The following PLA2G4B variants were observed in gnomAD, a reference collection of about 807,000 sequenced individuals.
PLA2G4B encodes the protein phospholipase A2 group IVB, also known as cytosolic phospholipase A2 beta.
A neutral mutation model predicts 95.8 loss-of-function variants in PLA2G4B; 122 were observed. The ratio of observed to expected loss-of-function variants is 1.27; its 90% CI spans 1.10 to 1.48. The LOEUF is 1.48. Among genes scored for constraint, PLA2G4B ranks in the 40% most tolerant of loss-of-function variants. PLA2G4B has a pLI of 0.00. For missense variants in PLA2G4B, 1,158 were observed against 996.2 expected (o/e 1.16, Z -2.19); for synonymous variants, 518 against 421.5 (o/e 1.23, Z -2.80).
In PLA2G4B at chr15:41,842,725, C is replaced by T. The variant is rs562605087; in HGVS notation, c.743+134C>T. On this transcript the variant is annotated intron_variant, in intron 10 of 19. Coordinates refer to ENST00000458483, the MANE Select transcript of PLA2G4B (RefSeq NM_001114633.2). ...TGCTCTCTGAAGGGGCTCAGGCTTGCGCTCGAGGGGGCACGAAGTACTGGG... is the reference window on the plus strand; with the variant it reads ...TGCTCTCTGAAGGGGCTCAGGCTTGTGCTCGAGGGGGCACGAAGTACTGGG... The T allele has an allele frequency of 3.0e-4, 421 of 1,382,702 alleles. 3 individuals carry two copies. The East Asian group carries it at 3.3e-3, about 11-fold the overall frequency. The allele number at this position is 1,382,702 out of a possible 1,614,324, so 85.7% of individuals were successfully genotyped here.
Position 41,844,545 on chromosome 15 carries a change from C to T in PLA2G4B, c.954C>T (p.Gly318=), listed in dbSNP as rs1249962902. The change falls in exon 12 of 20, where the codon GGC becomes GGT. Residue 318 remains glycine (G), a synonymous_variant. Transcript: ENST00000458483. ...AMTSLYGQLA[G]LKELGLLDCV... The stretch of plus-strand genomic sequence containing the variant: ...CTTCCCTGTATGGGCAGCTGGCTGG[C>T]CTGAAGGAGCTGGGCCTCTTGGATT... The T allele has an allele frequency of 1.9e-6, 3 of 1,614,102 alleles. No homozygotes were observed. Among genetic ancestry groups the T allele is most frequent in the Non-Finnish European group, 2.5e-6 (3 of 1,180,002 alleles).
Position 41,846,362 on chromosome 15 carries a change from C to T in PLA2G4B, c.1760C>T (p.Pro587Leu), listed in dbSNP as rs754051665. The T allele has an allele frequency of 2.5e-6, 4 of 1,607,052 alleles. No individual in the cohort carries two copies. The highest frequency in any genetic ancestry group is 2.7e-5 in the African/African-American group (2 of 74,978). ...LHFHKDYFQH[P>L]HFSTWKATTL... ...TTCCACAAAGACTACTTTCAGCATC[C>T]TCACTTCTCCACATGGAAAGGTACC... is the stretch of plus-strand genomic sequence containing the variant. The change falls in exon 17 of 20, where the codon CCT (proline) becomes CTT (leucine). Residue 587 changes from proline (P) to leucine (L), a missense_variant. By Grantham distance (98) the Pro-to-Leu change is moderately conservative. Transcript: ENST00000458483.
At chr15:41,840,099 C>T (rs2065396566) in intron 1 of PLA2G4B, 59 bp from the exon 2 acceptor site, 2 of 1,584,136 alleles carry the variant, frequency 1.3e-6, no homozygotes, top group Non-Finnish European at 8.6e-7. Context: ...TCCTTTGTGG[C>T]CCCTGTCACC....
chr15:41,840,716 C>T, intron 3 of PLA2G4B, 56 bp downstream of exon 3: 2 of 1,606,472 alleles, frequency 1.2e-6, no homozygotes. Context: ...ACTGCCGCTG[C>T]CCTGCTCACC....
intron 2 of PLA2G4B, 113 bp from the exon 3 acceptor site, chr15:41,840,411 T>C: frequency 6.3e-7 from 1 of 1,592,562 alleles, no homozygotes; most frequent in Non-Finnish European, 8.5e-7. Flanking sequence ...TGGCCCCCAC[T>C]TCCCCTCCCC....
At chr15:41,838,972 C>T (rs1418565799) in intron 1 of PLA2G4B, 50 bp downstream of exon 1, 9 of 1,473,908 alleles carry the variant, frequency 6.1e-6, no homozygotes, top group Non-Finnish European at 7.4e-6. Flanking sequence ...TGGTCTCTAC[C>T]TGGGGCCTAG....
At chr15:41,841,674 CT>C in intron 7 of PLA2G4B, 103 bp downstream of exon 7, 2 of 1,577,934 alleles carry the variant, frequency 1.3e-6, no homozygotes, top group Non-Finnish European at 1.7e-6. Context: ...CCCCTTAGGC[CT>C]TCTCGGGGGA....
At position 41,847,488 on chromosome 15, in the gene PLA2G4B, T is replaced by TA; in HGVS notation, c.2099_2100insA (p.Val701GlyfsTer99). The TA allele has an allele frequency of 6.2e-6, 10 of 1,610,370 alleles. No individual in the cohort carries two copies. The highest frequency in any genetic ancestry group is 7.6e-6 in the Non-Finnish European group (9 of 1,177,572). ...GCCCCTGCGGTGCTGCACTTTCCTC[T>TA]GGTCAGCGACTCCTTCCGGGAGTAC... On this transcript the variant is annotated frameshift_variant, in exon 19 of 20. Coordinates refer to ENST00000458483, the MANE Select transcript of PLA2G4B (RefSeq NM_001114633.2). LOFTEE classifies it low-confidence loss of function (END_TRUNC).
At chr15:41,842,090 C>T (rs1241837724) in intron 8 of PLA2G4B, 103 bp from the exon 9 acceptor site, 14 of 1,570,350 alleles carry the variant, frequency 8.9e-6, no homozygotes, top group African/African-American at 4.1e-5. Context: ...CTCCCCTTCC[C>T]GTCCCTCCCA....
At chr15:41,843,081 C>CTTTTTTT in intron 10 of PLA2G4B, 1 of 131,000 alleles carries the variant, frequency 7.6e-6, no homozygotes, top group Non-Finnish European at 1.6e-5. Flanking sequence ...GCCCCCTGCC[C>CTTTTTTT]TTTTTTTTTT....
In PLA2G4B at chr15:41,840,549, T is replaced by A. The variant is rs1362684470; in HGVS notation, c.108T>A (p.Thr36=). The A allele has an allele frequency of 4.3e-6, 7 of 1,613,568 alleles. No homozygotes were observed. In the South Asian group the frequency reaches 4.4e-5, roughly 10 times the overall value. ...TGACCCCCTCTGACTGCTACGTGAC[T>A]CTCTGGCTGCCCACGGCCTGCAGCC... ...DLVTPSDCYV[T]LWLPTACSHR... The change falls in exon 3 of 20, where the codon ACT becomes ACA. Residue 36 remains threonine (T), a synonymous_variant. Coordinates refer to ENST00000458483, the MANE Select transcript of PLA2G4B (RefSeq NM_001114633.2).
chr15:41,845,614 G>A (rs1262149285), intron 14 of PLA2G4B, 24 bp from the exon 15 acceptor site: 3 of 1,613,834 alleles, frequency 1.9e-6, no homozygotes, highest in Non-Finnish European at 2.5e-6. Context: ...TGCACCATGA[G>A]GCTGAGGCGT....
chr15:41,841,164 G>A lies in PLA2G4B; in HGVS notation c.393-67G>A, dbSNP rs1054205488. 8.1e-6 allele frequency: 13 copies of A among 1,613,940 alleles called. No individual in the cohort carries two copies. In the South Asian group the frequency reaches 9.9e-5, roughly 12 times the overall value. On this transcript the variant is annotated intron_variant, in intron 5 of 19. Coordinates refer to ENST00000458483, the MANE Select transcript of PLA2G4B (RefSeq NM_001114633.2). ...GGAAGGACAGCACTAGTGCCTGGGG[G>A]ATGCCCAGGTCTCTGTGGGGTGGGA...
chr15:41,840,503 G>A, intron 2 of PLA2G4B, 21 bp from the exon 3 acceptor site: 1 of 1,613,366 alleles, frequency 6.2e-7, no homozygotes, highest in Non-Finnish European at 8.5e-7. Context: ...TCCACCGCTG[G>A]GCACTTGTTC....
chr15:41,842,194 A>G lies in PLA2G4B; in HGVS notation c.623A>G (p.Asp208Gly). Residue 208 changes from aspartate (D) to glycine (G), a missense_variant and splice_region_variant, in exon 9 of 20, where the codon GAT becomes GGT. Physicochemically the swap from Asp to Gly is moderately conservative, Grantham distance 94. Transcript: ENST00000458483. ...GTCTGCATTCTTTGTCCCCTGCAGG[A>G]TGCCCCCGAGGAGCAACTAAAGGCG... ...WEQELSIRLQDAPEEQLKAPL... is the reference protein window; with the variant it reads ...WEQELSIRLQGAPEEQLKAPL... 6.2e-7 allele frequency: 1 copy of G among 1,613,838 alleles called. No individual in the cohort carries two copies. The highest frequency in any genetic ancestry group is 1.1e-5 in the South Asian group (1 of 91,072).
In PLA2G4B at chr15:41,840,528, C is replaced by G; in HGVS notation, c.87C>G (p.Thr29=). The stretch of plus-strand genomic sequence containing the variant: ...GGCACTTGTTCCTTCCCGCAGTGAC[C>G]CCCTCTGACTGCTACGTGACTCTCT... ...AHRLPSKDLV[T]PSDCYVTLWL... Residue 29 remains threonine, a synonymous_variant, in exon 3 of 20, where the codon ACC becomes ACG. Transcript: ENST00000458483. The G allele has an allele frequency of 6.2e-7, 1 of 1,613,740 alleles. No individual in the cohort carries two copies. The highest frequency in any genetic ancestry group is 8.5e-7 in the Non-Finnish European group (1 of 1,180,028).
chr15:41,843,671 G>T lies in PLA2G4B; in HGVS notation c.744-5G>T. On this transcript the variant is annotated splice_region_variant and splice_polypyrimidine_tract_variant and intron_variant, in intron 10 of 19. Transcript: ENST00000458483. ...TGTCTCACAGTCTCTTCCTTCCCCG[G>T]CCAGACTGAGGGAGCTGGCCGTGCG... 1 of 1,612,766 alleles carries T rather than the reference G, an allele frequency of 6.2e-7. No individual in the cohort carries two copies. The highest frequency in any genetic ancestry group is 8.5e-7 in the Non-Finnish European group (1 of 1,179,242).
chr15:41,846,587 C>T (rs1022957849), intron 17 of PLA2G4B, 82 bp from the exon 18 acceptor site: 15 of 1,535,746 alleles, frequency 9.8e-6, no homozygotes, highest in Non-Finnish European at 1.1e-5. Flanking sequence ...AGAGCAGGGA[C>T]CAGAGGCCAG....
intron 11 of PLA2G4B, 61 bp downstream of exon 11, chr15:41,843,872 G>A (rs1348352914): frequency 6.3e-7 from 1 of 1,584,172 alleles, no homozygotes; most frequent in African/African-American, 1.3e-5. Context: ...TCCTGGTGCT[G>A]AACACTGGAG....
Sources: allele counts gnomAD v4.1 joint callset, GRCh38; gene constraint gnomAD v4.1.1; transcripts MANE v1.5; gene names NCBI Gene and HGNC (gene_info 2026-07-23, HGNC 2026-07-21).